C10orf143: variants seen among roughly 807,000 people sequenced by gnomAD.
The protein encoded by C10orf143 is chromosome 10 open reading frame 143, also known as uncharacterized protein C10orf143.
intron 1 of C10orf143, among the ~76,000 whole-genome samples, chr10:130,090,103 T>C (rs1244920635): frequency 3.9e-5 from 6 of 152,096 alleles, no homozygotes; most frequent in Admixed American, 2.0e-4. Context: ...AACAACACCA[T>C]TAAGAAAGTG....
chr10:130,060,822 CAAAAAAAAAAAAA>C (rs11312813), downstream of C10orf143, among the ~76,000 whole-genome samples: 2 of 53,362 alleles, frequency 3.7e-5, no homozygotes, highest in Non-Finnish European at 7.2e-5. Context: ...GACTCCGTCT[CAAAAAAAAAAAAA>C]AAAAAAAAAA....
At chr10:130,045,950 C>T (rs766332547) in intron 3 of C10orf143, among the ~76,000 whole-genome samples, 5 of 151,988 alleles carry the variant, frequency 3.3e-5, no homozygotes, top group Non-Finnish European at 4.4e-5. Context: ...CCTCACCTGC[C>T]GGGCGTGAGG....
At chr10:130,073,895 A>G (rs967383050) in intron 3 of C10orf143, among the ~76,000 whole-genome samples, 13 of 152,230 alleles carry the variant, frequency 8.5e-5, no homozygotes, top group African/African-American at 3.1e-4. Flanking sequence ...TCAGTGGTCT[A>G]TTCATACCCA....
chr10:130,098,078 T>C (rs1861490805), intron 1 of C10orf143, among the ~76,000 whole-genome samples: 1 of 150,722 alleles, frequency 6.6e-6, no homozygotes, highest in African/African-American at 2.4e-5. Flanking sequence ...ATCCCAACAC[T>C]CTGGGAGGCC....
chr10:130,047,429 G>A (rs1860688930), intron 3 of C10orf143, among the ~76,000 whole-genome samples: 1 of 152,198 alleles, frequency 6.6e-6, no homozygotes, highest in South Asian at 2.1e-4. Context: ...AAGGCACTGA[G>A]CGGGGCTGCG....
At chr10:130,059,018 GT>G (rs1157868666), downstream of C10orf143, among the ~76,000 whole-genome samples, 4 of 152,114 alleles carry the variant, frequency 2.6e-5, no homozygotes, top group African/African-American at 9.7e-5. Context: ...ACTACACCAT[GT>G]ATGATAAAAA....
intron 3 of C10orf143, among the ~76,000 whole-genome samples, chr10:130,074,025 C>A (rs1346706391): frequency 1.3e-5 from 2 of 152,174 alleles, no homozygotes; most frequent in Non-Finnish European, 2.9e-5. Flanking sequence ...CTCACTGTGT[C>A]CGGGGATGAA....
At chr10:130,074,748 A>T (rs753731933) in intron 3 of C10orf143, among the ~76,000 whole-genome samples, 3 of 152,174 alleles carry the variant, frequency 2.0e-5, no homozygotes, top group Non-Finnish European at 4.4e-5. Flanking sequence ...TTTAAAGGTA[A>T]CCCATTTGGA....
At chr10:130,037,874 C>T (rs1389314882) in intron 3 of C10orf143, among the ~76,000 whole-genome samples, 2 of 152,140 alleles carry the variant, frequency 1.3e-5, no homozygotes, top group African/African-American at 4.8e-5. Context: ...GCTCTTTATA[C>T]TTTTCCCATA....
Position 130,080,972 on chromosome 10 carries a change from A to C in C10orf143, c.70-1071T>G, listed in dbSNP as rs569761918. 3.3e-5 allele frequency among the ~76,000 whole-genome samples: 5 copies of C among 152,298 alleles called. No homozygotes were observed. The South Asian group carries it at 1.0e-3, about 32-fold the overall frequency. On this transcript the variant is annotated intron_variant, in intron 1 of 3. Transcript: ENST00000637128. Reference sequence around the variant, plus strand: ...TGAAAAAACTGAGAATCAGACAATAAAGGGTTAAATAATAAAACAGGGGAC... The same window carrying C: ...TGAAAAAACTGAGAATCAGACAATACAGGGTTAAATAATAAAACAGGGGAC...
At chr10:130,086,396 C>T (rs1382016208) in intron 1 of C10orf143, among the ~76,000 whole-genome samples, 1 of 152,208 alleles carries the variant, frequency 6.6e-6, no homozygotes, top group Non-Finnish European at 1.5e-5. Flanking sequence ...TGATTTGTAG[C>T]ATATCAAAAT....
chr10:130,046,408 A>T (rs1004199499), intron 3 of C10orf143, among the ~76,000 whole-genome samples: 1 of 152,054 alleles, frequency 6.6e-6, no homozygotes, highest in South Asian at 2.1e-4. Flanking sequence ...CACGGAAGGC[A>T]GTCTTCGGTG....
intron 1 of C10orf143, chr10:130,106,377 C>T (rs777158452): frequency 2.5e-6 from 4 of 1,602,338 alleles, no homozygotes; most frequent in Admixed American, 1.7e-5. Context: ...GTAGCGTCAT[C>T]GTTAGAGGAT....
intron 1 of C10orf143, chr10:130,104,056 C>G (rs1407406568): frequency 6.6e-6 from 1 of 152,036 alleles, no homozygotes; most frequent in Non-Finnish European, 1.5e-5. Flanking sequence ...TGAGTGTGGC[C>G]AGGGTGTGGT....
chr10:130,046,728 G>T (rs940200938), intron 3 of C10orf143, among the ~76,000 whole-genome samples: 1 of 152,226 alleles, frequency 6.6e-6, no homozygotes, highest in African/African-American at 2.4e-5. Flanking sequence ...GGGGCCTTGG[G>T]CCATGCACCT....
chr10:130,037,220 C>G (rs530438276), intron 3 of C10orf143, among the ~76,000 whole-genome samples: 80 of 152,332 alleles, frequency 5.3e-4, no homozygotes, highest in African/African-American at 1.7e-3. Flanking sequence ...GGCTTCTTAG[C>G]ATTGAAATTC....
chr10:130,084,145 C>T (rs1373962534), intron 1 of C10orf143, among the ~76,000 whole-genome samples: 1 of 151,844 alleles, frequency 6.6e-6, no homozygotes, highest in Non-Finnish European at 1.5e-5. Context: ...CCCATCTCTA[C>T]TAAAAATACA....
chr10:130,051,050 C>T (rs1860731450), intron 3 of C10orf143, among the ~76,000 whole-genome samples: 2 of 152,140 alleles, frequency 1.3e-5, no homozygotes, highest in South Asian at 4.1e-4. Context: ...GCCAACTTGC[C>T]ATTTATTCAA....
At chr10:130,049,388 C>A (rs2134730798) in intron 3 of C10orf143, among the ~76,000 whole-genome samples, 1 of 152,322 alleles carries the variant, frequency 6.6e-6, no homozygotes, top group Non-Finnish European at 1.5e-5. Flanking sequence ...AGAGCCGGAG[C>A]TCCAAACGAC....
Sources: gnomAD v4.1 joint callset for allele counts (sites outside exome capture counted in the v4.1 genomes callset) on GRCh38, gnomAD v4.1.1 for gene constraint, MANE v1.5 for transcripts, NCBI Gene and HGNC (gene_info 2026-07-23, HGNC 2026-07-21) for gene names.